Variants in SORCS3 observed in about 807,000 individuals in gnomAD.
SORCS3 encodes the protein sortilin related VPS10 domain containing receptor 3, also known as VPS10 domain-containing receptor SorCS3.
SORCS3 carries 57 observed loss-of-function variants against 146.3 expected under a neutral mutation model. That is an observed-to-expected ratio of 0.39 (90% confidence interval 0.31 to 0.49). The LOEUF is 0.49. Among genes scored for constraint, SORCS3 ranks in the 20% least tolerant of loss-of-function variants. SORCS3 has a pLI of 0.92. For missense variants in SORCS3, 1,341 were observed against 1,575.5 expected (o/e 0.85, Z 2.52); for synonymous variants, 653 against 618.5 (o/e 1.06, Z -0.83).
At chr10:104,808,265 G>T (rs1485853285) in intron 1 of SORCS3, among the ~76,000 whole-genome samples, 1 of 152,218 alleles carries the variant, frequency 6.6e-6, no homozygotes, top group East Asian at 1.9e-4. Flanking sequence ...ATTTACCAAG[G>T]ATTTATTTAG....
At chr10:104,838,563 T>C (rs559727425) in intron 1 of SORCS3, among the ~76,000 whole-genome samples, 59 of 152,308 alleles carry the variant, frequency 3.9e-4, no homozygotes, top group African/African-American at 1.4e-3. Context: ...CATCCTATAA[T>C]TCTCAGTGTT....
At chr10:105,003,329 A>C (rs1198682639) in intron 4 of SORCS3, among the ~76,000 whole-genome samples, 3 of 152,150 alleles carry the variant, frequency 2.0e-5, no homozygotes, top group Non-Finnish European at 2.9e-5. Flanking sequence ...GTTAGTAGAA[A>C]ATAGCAAAAC....
chr10:105,038,935 AG>A (rs2055322100), intron 4 of SORCS3, among the ~76,000 whole-genome samples: 2 of 152,128 alleles, frequency 1.3e-5, no homozygotes, highest in South Asian at 4.1e-4. Context: ...AGAAATCTAG[AG>A]GACAAAAAGA....
Position 104,721,440 on chromosome 10 carries a change from G to A in SORCS3, c.627+79486G>A, listed in dbSNP as rs1248168611. ...CGACCGGCTTTGTTCTTTTGGCTTA[G>A]GATTGACTTGGCAATGCGGGCTCTT... On this transcript the variant is annotated intron_variant, in intron 1 of 26. Coordinates refer to ENST00000369701, the MANE Select transcript of SORCS3 (RefSeq NM_014978.3). Among the ~76,000 whole-genome samples, 25 of 152,292 alleles carry A rather than the reference G, an allele frequency of 1.6e-4. No individual in the cohort carries two copies. In the East Asian group the frequency reaches 3.7e-3, roughly 22 times the overall value.
At chr10:105,040,214 G>A (rs2055330534) in intron 4 of SORCS3, among the ~76,000 whole-genome samples, 2 of 152,042 alleles carry the variant, frequency 1.3e-5, no homozygotes, top group African/African-American at 4.8e-5. Context: ...CAATGGGATG[G>A]TCTGGTCCTT....
At chr10:105,247,003 A>G (rs1415304678) in intron 21 of SORCS3, among the ~76,000 whole-genome samples, 1 of 152,236 alleles carries the variant, frequency 6.6e-6, no homozygotes, top group East Asian at 1.9e-4. Flanking sequence ...CTTAGACACT[A>G]ACAAAAACTG....
At chr10:105,188,213 C>T (rs1258540460) in intron 14 of SORCS3, among the ~76,000 whole-genome samples, 2 of 152,098 alleles carry the variant, frequency 1.3e-5, no homozygotes, top group African/African-American at 4.8e-5. Context: ...GCATTACCTC[C>T]AGTGAGGCTT....
At chr10:104,954,770 C>T (rs1480841161) in intron 3 of SORCS3, among the ~76,000 whole-genome samples, 2 of 152,096 alleles carry the variant, frequency 1.3e-5, no homozygotes, top group East Asian at 1.9e-4. Context: ...GCCCGTGCTA[C>T]CTGTTTAGAT....
At chr10:104,697,430 A>C (rs1418808862) in intron 1 of SORCS3, among the ~76,000 whole-genome samples, 1 of 152,180 alleles carries the variant, frequency 6.6e-6, no homozygotes, top group East Asian at 1.9e-4. Flanking sequence ...GAGATTGGCT[A>C]TCATGTAGAT....
Position 104,817,967 on chromosome 10 carries a change from C to T in SORCS3, c.628-24825C>T, listed in dbSNP as rs542084588. On this transcript the variant is annotated intron_variant, in intron 1 of 26. Transcript: ENST00000369701. ...TTCTACCACACATTACCTTCCTTCG[C>T]GTCCATCTTTCTTTGAGATTTACCA... Among the ~76,000 whole-genome samples, 154 of 152,094 alleles carry T rather than the reference C, an allele frequency of 1.0e-3. 1 individual carries two copies. Among genetic ancestry groups the T allele is most frequent in the African/African-American group, 3.3e-3 (136 of 41,508 alleles).
intron 1 of SORCS3, among the ~76,000 whole-genome samples, chr10:104,803,901 G>T (rs1336648992): frequency 6.6e-6 from 1 of 152,054 alleles, no homozygotes; most frequent in Non-Finnish European, 1.5e-5. Flanking sequence ...GCTGTCACAG[G>T]GATTTCCAGC....
At chr10:104,996,394 T>G (rs2055027493) in intron 4 of SORCS3, among the ~76,000 whole-genome samples, 1 of 152,192 alleles carries the variant, frequency 6.6e-6, no homozygotes, top group African/African-American at 2.4e-5. Context: ...TTTTATACTT[T>G]TTAGCTTATA....
Position 104,938,822 on chromosome 10 carries a change from C to A in SORCS3, c.795+22890C>A, listed in dbSNP as rs868469405. Among the ~76,000 whole-genome samples, 4 of 152,310 alleles carry A rather than the reference C, an allele frequency of 2.6e-5. No homozygotes were observed. The South Asian group carries it at 8.3e-4, about 32-fold the overall frequency. ...TCACAGTGCAACATTTTTCTTGCTG[C>A]CTTGCGGGGGAAGCCGTGATGCAGG... On this transcript the variant is annotated intron_variant, in intron 3 of 26. Coordinates refer to ENST00000369701, the MANE Select transcript of SORCS3 (RefSeq NM_014978.3).
chr10:104,827,975 G>A (rs755350826), intron 1 of SORCS3, among the ~76,000 whole-genome samples: 3 of 152,182 alleles, frequency 2.0e-5, no homozygotes, highest in African/African-American at 7.2e-5. Context: ...TGGAACTGAA[G>A]AGCGTTAGGG....
At chr10:104,701,950 T>G (rs2016283466) in intron 1 of SORCS3, among the ~76,000 whole-genome samples, 1 of 152,224 alleles carries the variant, frequency 6.6e-6, no homozygotes, top group South Asian at 2.1e-4. Flanking sequence ...AAATTTCTTT[T>G]GTAAAAGGGC....
At chr10:105,217,865 T>A (rs1369108178) in intron 19 of SORCS3, 4 of 453,998 alleles carry the variant, frequency 8.8e-6, no homozygotes, top group Non-Finnish European at 1.8e-5. Flanking sequence ...GAGGAAATGT[T>A]GTCTTGGGGC....
intron 2 of SORCS3, among the ~76,000 whole-genome samples, chr10:104,884,295 T>G (rs1314329466): frequency 6.6e-6 from 1 of 152,186 alleles, no homozygotes; most frequent in Non-Finnish European, 1.5e-5. Context: ...CATTTATTCA[T>G]TCCTCAACCA....
At chr10:105,112,388 G>A (rs1271523638) in intron 7 of SORCS3, among the ~76,000 whole-genome samples, 4 of 152,078 alleles carry the variant, frequency 2.6e-5, no homozygotes, top group African/African-American at 4.8e-5. Flanking sequence ...GATTTGTATC[G>A]ATAGTAATCA....
chr10:104,969,332 TGTGTGTGTGC>T (rs2054845079), intron 3 of SORCS3, among the ~76,000 whole-genome samples: 1 of 150,990 alleles, frequency 6.6e-6, no homozygotes, highest in African/African-American at 2.4e-5. Flanking sequence ...TGTGTGTGTG[TGTGTGTGTGC>T]GCGCGCGCGT....
Sources: gnomAD v4.1 joint callset for allele counts (sites outside exome capture counted in the v4.1 genomes callset) on GRCh38, gnomAD v4.1.1 for gene constraint, MANE v1.5 for transcripts, NCBI Gene and HGNC (gene_info 2026-07-23, HGNC 2026-07-21) for gene names.